DNAH7: variants seen among roughly 807,000 people sequenced by gnomAD.
DNAH7 encodes the protein dynein axonemal heavy chain 7.
DNAH7 carries 397 observed loss-of-function variants against 444.6 expected under a neutral mutation model. The observed-to-expected ratio is 0.89, with a 90% CI of 0.82 to 0.97. DNAH7 has a LOEUF of 0.97. Among genes scored for constraint, DNAH7 ranks in the 50% least tolerant of loss-of-function variants. DNAH7 has a pLI of 0.00. For synonymous variants in DNAH7, 1,636 were observed against 1,624.4 expected (o/e 1.01, Z -0.17); for missense variants, 4,902 against 4,800.8 (o/e 1.02, Z -0.62).
intron 15 of DNAH7, among the ~76,000 whole-genome samples, chr2:195,976,287 G>A (rs1692180098): frequency 6.6e-6 from 1 of 152,170 alleles, no homozygotes; most frequent in African/African-American, 2.4e-5. Flanking sequence ...GCTGTGGCCT[G>A]GCAATACTCC....
In DNAH7 at chr2:195,970,020, A is replaced by T. The variant is rs1190184304; in HGVS notation, c.2133T>A (p.Asp711Glu). The stretch of plus-strand genomic sequence containing the variant: ...TTAGGTACCGCTGAACATCCTGAAG[A>T]TCTCCAAATGAATAAAATTCTTCTG... ...KQSEEFYSFG[D>E]LQDVQRYLKK... is the part of the protein sequence containing the mutation. The change falls in exon 17 of 65, where the codon GAT (aspartate) becomes GAA (glutamate). Residue 711 changes from aspartate (D) to glutamate (E), a missense_variant. Physicochemically the swap from Asp to Glu is conservative, Grantham distance 45 (BLOSUM62 2). Transcript: ENST00000312428. The T allele has an allele frequency of 6.2e-7, 1 of 1,612,770 alleles. No individual in the cohort carries two copies. Among genetic ancestry groups the T allele is most frequent in the South Asian group, 1.1e-5 (1 of 90,790 alleles).
chr2:195,737,731 TCAGAAC>T lies in DNAH7; in HGVS notation c.*184_*189del. 7.1e-6 allele frequency: 4 copies of T among 560,298 alleles called. No individual in the cohort carries two copies. Among genetic ancestry groups the T allele is most frequent in the Non-Finnish European group, 1.3e-5 (4 of 319,722 alleles). The allele number at this position is 560,298 out of a possible 1,614,324, so 34.7% of individuals were successfully genotyped here. A position where few individuals can be genotyped will look rare whatever the true frequency, so the allele number is the denominator to read the frequency against. On this transcript the variant is annotated 3_prime_UTR_variant, in exon 65 of 65. Coordinates refer to ENST00000312428, the MANE Select transcript of DNAH7 (RefSeq NM_018897.3). ...CAGTGTGTTTTCTTTAGTCTTTATT[TCAGAAC>T]ATTTCCTTACATTTAAGTATGAGTC...
At position 196,019,303 on chromosome 2, in the gene DNAH7, CAAA is replaced by C. The variant is rs554007568; in HGVS notation, c.744-11_744-9del. The stretch of plus-strand genomic sequence containing the variant: ...TTTGGCAGAATTTCCATTCTGAAAA[CAAA>C]GAAAATATTTAGTTACAGTCTCAAA... On this transcript the variant is annotated splice_polypyrimidine_tract_variant and intron_variant, in intron 8 of 64. Coordinates refer to ENST00000312428, the MANE Select transcript of DNAH7 (RefSeq NM_018897.3). 133 of 1,455,320 alleles carry C rather than the reference CAAA, an allele frequency of 9.1e-5. 1 individual carries two copies. In the African/African-American group the frequency reaches 1.4e-3, roughly 16 times the overall value. 90.2% of individuals were successfully genotyped at this position (1,455,320 alleles called of 1,614,324 possible). A position where few individuals can be genotyped will look rare whatever the true frequency, so the allele number is the denominator to read the frequency against.
intron 51 of DNAH7, among the ~76,000 whole-genome samples, chr2:195,812,261 T>C (rs1697005960): frequency 6.6e-6 from 1 of 152,068 alleles, no homozygotes; most frequent in Non-Finnish European, 1.5e-5. Context: ...TTAATTTGAG[T>C]AATGACTCCA....
chr2:195,857,877 C>T (rs551486003), intron 43 of DNAH7, among the ~76,000 whole-genome samples, 154 bp from the exon 44 acceptor site: 2 of 152,310 alleles, frequency 1.3e-5, no homozygotes, highest in African/African-American at 4.8e-5. Context: ...CTTTTCTCCT[C>T]AGTCCCACCC....
intron 5 of DNAH7, among the ~76,000 whole-genome samples, chr2:196,035,199 A>C (rs550870061): frequency 6.8e-4 from 103 of 152,272 alleles, no homozygotes; most frequent in African/African-American, 2.3e-3. Flanking sequence ...AACCTATAAG[A>C]CTTCCAGAAG....
At chr2:196,044,935 G>A (rs1208839144) in intron 5 of DNAH7, among the ~76,000 whole-genome samples, 3 of 151,952 alleles carry the variant, frequency 2.0e-5, no homozygotes, top group East Asian at 1.9e-4. Context: ...AAATTAGTCA[G>A]GTGTTGTGGC....
chr2:195,883,346 G>A (rs1346671696), intron 35 of DNAH7, among the ~76,000 whole-genome samples: 1 of 152,096 alleles, frequency 6.6e-6, no homozygotes, highest in African/African-American at 2.4e-5. Flanking sequence ...ACTCGGAGAG[G>A]CTGAGGCAGG....
chr2:195,792,446 AC>A (rs1424742396), intron 57 of DNAH7, among the ~76,000 whole-genome samples: 2 of 149,982 alleles, frequency 1.3e-5, no homozygotes, highest in Admixed American at 1.3e-4. Context: ...CATTAAAAAA[AC>A]AGGGGGAGAT....
At chr2:195,754,212 C>G in intron 63 of DNAH7, 125 bp downstream of exon 63, 1 of 1,059,068 alleles carries the variant, frequency 9.4e-7, no homozygotes, top group Non-Finnish European at 1.3e-6. Flanking sequence ...ATTTTTTTCT[C>G]TGGCATTTAA....
chr2:195,772,928 C>T (rs965041735), intron 60 of DNAH7, among the ~76,000 whole-genome samples: 5 of 152,058 alleles, frequency 3.3e-5, no homozygotes, highest in African/African-American at 1.2e-4. Flanking sequence ...TTATAGGGGA[C>T]TGCTACCACG....
intron 61 of DNAH7, among the ~76,000 whole-genome samples, chr2:195,766,422 G>A (rs1694592847): frequency 6.6e-6 from 1 of 151,628 alleles, no homozygotes; most frequent in African/African-American, 2.4e-5. Context: ...CTGGCCTCCG[G>A]TTCCCAAAGT....
rs563297193 is a variant in DNAH7 at position 195,809,469 on chromosome 2, G to A, written c.9888+276C>T. 1.2e-4 allele frequency among the ~76,000 whole-genome samples: 19 copies of A among 152,184 alleles called. No homozygotes were observed. In the East Asian group the frequency reaches 2.9e-3, roughly 23 times the overall value. ...CCTGGTGTAAACGTATCAATATTAA[G>A]TAAATTTATATGCATAGCTGTATGA... On this transcript the variant is annotated intron_variant, in intron 52 of 64. Transcript: ENST00000312428.
intron 40 of DNAH7, among the ~76,000 whole-genome samples, chr2:195,871,986 G>T (rs1700735647): frequency 7.7e-6 from 1 of 130,626 alleles, no homozygotes; most frequent in South Asian, 2.7e-4. Flanking sequence ...AAGGGAAACT[G>T]GTTCAAAGTG....
intron 12 of DNAH7, chr2:195,998,734 C>T (rs549335736): frequency 5.7e-6 from 1 of 174,942 alleles, no homozygotes; most frequent in East Asian, 1.5e-4. Flanking sequence ...TAGAATTACA[C>T]AAAAGACAAA....
chr2:195,808,695 A>ACTTT lies in DNAH7; in HGVS notation c.10066_10069dup (p.Val3357GlufsTer4). The ACTTT allele has an allele frequency of 2.5e-6, 4 of 1,613,952 alleles. No individual in the cohort carries two copies. The highest frequency in any genetic ancestry group is 3.4e-6 in the Non-Finnish European group (4 of 1,179,924). ...GTTAAAACATACCAAACTATCATATACTTTCTTCCATCCATCCTTTAAGCG... is the reference window on the plus strand; with the variant it reads ...GTTAAAACATACCAAACTATCATATACTTTCTTTCTTCCATCCATCCTTTAAGCG... On this transcript the variant is annotated frameshift_variant, in exon 53 of 65. Transcript: ENST00000312428. LOFTEE classifies it high-confidence loss of function.
Position 195,849,949 on chromosome 2 carries a change from TACAG to T in DNAH7, c.8781+3390_8781+3393del, listed in dbSNP as rs146214517. Among the ~76,000 whole-genome samples, 1,300 of 152,310 alleles carry T rather than the reference TACAG, an allele frequency of 8.5e-3. 9 individuals carry two copies. Among genetic ancestry groups the T allele is most frequent in the Middle Eastern group, 0.02 (6 of 294 alleles). On this transcript the variant is annotated intron_variant, in intron 46 of 64. Coordinates refer to ENST00000312428, the MANE Select transcript of DNAH7 (RefSeq NM_018897.3). ...TTTGTTTTCAGGCTGTAGGTTGGCC[TACAG>T]ACATTTTGGAGAGGTCTGCAAGCTT...
intron 47 of DNAH7, among the ~76,000 whole-genome samples, chr2:195,840,056 A>G (rs1240857920): frequency 6.6e-6 from 1 of 151,788 alleles, no homozygotes; most frequent in Non-Finnish European, 1.5e-5. Flanking sequence ...ACATTACAAC[A>G]AAATAAAACA....
intron 46 of DNAH7, among the ~76,000 whole-genome samples, chr2:195,851,930 A>G (rs1010349473): frequency 6.6e-6 from 1 of 152,136 alleles, no homozygotes; most frequent in African/African-American, 2.4e-5. Context: ...AGACAGAAGC[A>G]CCCACTAGGT....
Sources: allele counts gnomAD v4.1 joint callset (sites outside exome capture counted in the v4.1 genomes callset), GRCh38; gene constraint gnomAD v4.1.1; transcripts MANE v1.5; gene names NCBI Gene and HGNC (gene_info 2026-07-23, HGNC 2026-07-21).